Variants in SNTG1 observed in about 807,000 individuals in gnomAD.
SNTG1 encodes syntrophin gamma 1, also known as gamma-1-syntrophin.
In SNTG1, 39 loss-of-function variants were observed where a neutral mutation model predicts 74.7. The ratio of observed to expected loss-of-function variants is 0.52; its 90% CI spans 0.40 to 0.68. The LOEUF (loss-of-function observed/expected upper bound fraction) is 0.68. Among genes scored for constraint, SNTG1 ranks in the 30% least tolerant of loss-of-function variants. The pLI, the probability that SNTG1 is intolerant of heterozygous loss-of-function variation, is 0.00. For missense variants in SNTG1, 685 were observed against 609.5 expected (o/e 1.12, Z -1.30); for synonymous variants, 254 against 217.1 (o/e 1.17, Z -1.49).
At chr8:50,242,009 G>C (rs1367251327) in intron 2 of SNTG1, among the ~76,000 whole-genome samples, 1 of 151,412 alleles carries the variant, frequency 6.6e-6, no homozygotes, top group Non-Finnish European at 1.5e-5. Context: ...CTCTTAACTG[G>C]AGCCCTCCTT....
At chr8:50,191,061 G>A (rs1282098877) in intron 2 of SNTG1, among the ~76,000 whole-genome samples, 3 of 152,066 alleles carry the variant, frequency 2.0e-5, no homozygotes, top group Non-Finnish European at 4.4e-5. Flanking sequence ...TTACCATTCA[G>A]AATTCTCTAT....
chr8:50,695,262 A>T (rs1342295799), intron 15 of SNTG1, among the ~76,000 whole-genome samples: 3 of 151,936 alleles, frequency 2.0e-5, no homozygotes, highest in Non-Finnish European at 4.4e-5. Context: ...AAGTTACAGG[A>T]TACAATATCA....
intron 18 of SNTG1, among the ~76,000 whole-genome samples, chr8:50,759,695 T>C (rs746773226): frequency 1.6e-4 from 24 of 152,054 alleles, no homozygotes; most frequent in Non-Finnish European, 1.0e-4. Context: ...GGTATATATA[T>C]GTATATATAT....
At chr8:50,431,317 A>G (rs920991568) in intron 4 of SNTG1, among the ~76,000 whole-genome samples, 3 of 152,114 alleles carry the variant, frequency 2.0e-5, no homozygotes, top group African/African-American at 7.2e-5. Context: ...CTGATAGGAG[A>G]TATTGATAAC....
chr8:50,523,447 C>T (rs922255337), intron 9 of SNTG1, among the ~76,000 whole-genome samples: 27 of 152,116 alleles, frequency 1.8e-4, no homozygotes, highest in African/African-American at 6.3e-4. Flanking sequence ...GAGAGACTTG[C>T]AATTCTTTCT....
At chr8:49,951,442 C>T in intron 1 of SNTG1, among the ~76,000 whole-genome samples, 1 of 152,044 alleles carries the variant, frequency 6.6e-6, no homozygotes, top group East Asian at 1.9e-4. Flanking sequence ...ACGCTGGCCC[C>T]ATCAGATAAC....
intron 1 of SNTG1, among the ~76,000 whole-genome samples, chr8:50,033,431 T>C (rs999987927): frequency 1.3e-5 from 2 of 152,174 alleles, no homozygotes; most frequent in African/African-American, 4.8e-5. Flanking sequence ...GCCAATTTAT[T>C]ATTCTTAATA....
chr8:50,096,824 T>C (rs772918564), intron 1 of SNTG1, among the ~76,000 whole-genome samples: 20 of 152,302 alleles, frequency 1.3e-4, no homozygotes, highest in Admixed American at 5.2e-4. Context: ...TATGCCAAAG[T>C]AGTCATTCAG....
In SNTG1 at chr8:50,512,150, T is replaced by G. The variant is rs1008115371; in HGVS notation, c.466+9270T>G. Among the ~76,000 whole-genome samples, 13 of 152,142 alleles carry G rather than the reference T, an allele frequency of 8.5e-5. No homozygotes were observed. In the East Asian group the frequency reaches 1.9e-3, roughly 23 times the overall value. ...TCTCAGCATTTGCTTGTCTGTAAAG[T>G]ATTTTATTTCTCCTTCACTTATGAA... On this transcript the variant is annotated intron_variant, in intron 9 of 18. Transcript: ENST00000642720.
At chr8:50,645,777 T>C (rs936450038) in intron 13 of SNTG1, among the ~76,000 whole-genome samples, 5 of 152,312 alleles carry the variant, frequency 3.3e-5, no homozygotes, top group African/African-American at 1.2e-4. Context: ...ATATTTTGCC[T>C]CATGTTTTTC....
chr8:50,755,220 G>A lies in SNTG1; in HGVS notation c.1395+3109G>A, dbSNP rs1386938359. On this transcript the variant is annotated intron_variant, in intron 18 of 18. Transcript: ENST00000642720. ...TATCTGCCATTATAGTATCATAGTC[G>A]TTTCACTACCCTAAACATCTTTTGA... Among the ~76,000 whole-genome samples, 5 of 151,738 alleles carry A rather than the reference G, an allele frequency of 3.3e-5. No homozygotes were observed. In the South Asian group the frequency reaches 6.2e-4, roughly 19 times the overall value.
At chr8:50,470,118 G>A (rs1400466069) in intron 8 of SNTG1, among the ~76,000 whole-genome samples, 1 of 152,284 alleles carries the variant, frequency 6.6e-6, no homozygotes, top group South Asian at 2.1e-4. Context: ...TTGGGAAATA[G>A]GTCCTTGTCT....
chr8:49,954,495 A>G (rs1318075082), intron 1 of SNTG1, among the ~76,000 whole-genome samples: 10 of 152,208 alleles, frequency 6.6e-5, no homozygotes, highest in Admixed American at 1.3e-4. Context: ...ATTTTTCACC[A>G]AGAAATACGT....
intron 2 of SNTG1, among the ~76,000 whole-genome samples, chr8:50,386,293 T>A (rs1212946471): frequency 6.6e-6 from 1 of 152,032 alleles, no homozygotes; most frequent in Non-Finnish European, 1.5e-5. Context: ...TGGACCACAG[T>A]GGTGTTTTGT....
At chr8:50,050,892 T>C (rs1458439998) in intron 1 of SNTG1, among the ~76,000 whole-genome samples, 1 of 152,022 alleles carries the variant, frequency 6.6e-6, no homozygotes, top group Non-Finnish European at 1.5e-5. Flanking sequence ...TCCATATTAA[T>C]AGAAAAAATA....
In SNTG1 at chr8:49,919,955, C is replaced by T. The variant is rs956654712; in HGVS notation, c.-103+7724C>T. On this transcript the variant is annotated intron_variant, in intron 1 of 18. Coordinates refer to ENST00000642720, the MANE Select transcript of SNTG1 (RefSeq NM_018967.5). ...ATCAAGAGTAATACAATAGCGCACA[C>T]TTAGAGTCAAAGTAAGTCAGATTGT... Among the ~76,000 whole-genome samples, 8 of 152,190 alleles carry T rather than the reference C, an allele frequency of 5.3e-5. No individual in the cohort carries two copies. In the East Asian group the frequency reaches 1.5e-3, roughly 29 times the overall value.
rs192543243 is a variant in SNTG1 at position 50,487,403 on chromosome 8, G to A, written c.364-15375G>A. On this transcript the variant is annotated intron_variant, in intron 8 of 18. Coordinates refer to ENST00000642720, the MANE Select transcript of SNTG1 (RefSeq NM_018967.5). ...CACATGCACACGTTTATTTATTGTG[G>A]CATTATTCACAATAGCAAAGACTTG... 5.0e-3 allele frequency among the ~76,000 whole-genome samples: 764 copies of A among 152,194 alleles called. 12 individuals are homozygous for A. Among genetic ancestry groups the A allele is most frequent in the African/African-American group, 0.017 (694 of 41,504 alleles).
intron 8 of SNTG1, among the ~76,000 whole-genome samples, chr8:50,457,524 C>T (rs888164132): frequency 1.3e-5 from 2 of 152,174 alleles, no homozygotes; most frequent in African/African-American, 4.8e-5. Flanking sequence ...TTACTTCTCT[C>T]CCCTTTTGAA....
chr8:50,023,717 G>A (rs982039986), intron 1 of SNTG1, among the ~76,000 whole-genome samples: 3 of 152,108 alleles, frequency 2.0e-5, no homozygotes, highest in African/African-American at 7.2e-5. Flanking sequence ...TGCTGCCCCA[G>A]TATGAAGCAA....
Sources: allele counts gnomAD v4.1 joint callset (sites outside exome capture counted in the v4.1 genomes callset), GRCh38; gene constraint gnomAD v4.1.1; transcripts MANE v1.5; gene names NCBI Gene and HGNC (gene_info 2026-07-23, HGNC 2026-07-21).